Variants in NRXN3 observed in about 807,000 individuals in gnomAD.
The protein encoded by NRXN3 is neurexin 3.
NRXN3 carries 32 observed loss-of-function variants against 137.6 expected under a neutral mutation model. The observed-to-expected ratio is 0.23, with a 90% CI of 0.18 to 0.31. The LOEUF is 0.31. NRXN3 is among the 10% of genes least tolerant of loss of function. The pLI, the probability that NRXN3 is intolerant of heterozygous loss-of-function variation, is 1.00. For synonymous variants in NRXN3, 798 were observed against 784.5 expected, an observed-to-expected ratio of 1.02 and a Z score of -0.29; for missense variants, 1,574 against 2,062.5, an observed-to-expected ratio of 0.76 and a Z score of 4.59.
chr14:78,675,092 T>C lies in NRXN3; in HGVS notation c.1221+23766T>C, dbSNP rs369977562. Among the ~76,000 whole-genome samples, 15 of 152,322 alleles carry C rather than the reference T, an allele frequency of 9.8e-5. No homozygotes were observed. In the South Asian group the frequency reaches 3.1e-3, roughly 32 times the overall value. On this transcript the variant is annotated intron_variant, in intron 6 of 20. Transcript: ENST00000335750. ...TCTGAAGAAGCACTTAGTCATTGTCTAGAATGTGCCAGACCAAGTGCAGTT... is the reference window on the plus strand; with the variant it reads ...TCTGAAGAAGCACTTAGTCATTGTCCAGAATGTGCCAGACCAAGTGCAGTT...
At chr14:78,985,373 TGAG>T (rs1304900423) in intron 14 of NRXN3, among the ~76,000 whole-genome samples, 6 of 152,188 alleles carry the variant, frequency 3.9e-5, no homozygotes, top group South Asian at 2.1e-4. Context: ...GAGGATTATA[TGAG>T]GAGAAGACAG....
chr14:78,526,303 ATCTC>A (rs772168044), intron 4 of NRXN3, among the ~76,000 whole-genome samples: 2 of 152,148 alleles, frequency 1.3e-5, no homozygotes, highest in Non-Finnish European at 2.9e-5. Flanking sequence ...ATAGTCTGAA[ATCTC>A]TCTCTCTTGA....
At chr14:78,985,084 C>T (rs2153057854) in intron 14 of NRXN3, among the ~76,000 whole-genome samples, 1 of 152,238 alleles carries the variant, frequency 6.6e-6, no homozygotes, top group Non-Finnish European at 1.5e-5. Flanking sequence ...ACCTATAATC[C>T]CCGCCCTGTA....
intron 10 of NRXN3, among the ~76,000 whole-genome samples, chr14:78,850,832 C>T (rs2099040598): frequency 6.6e-6 from 1 of 152,062 alleles, no homozygotes; most frequent in Non-Finnish European, 1.5e-5. Flanking sequence ...ATTATAAAGG[C>T]ACATGAAATA....
At chr14:79,012,172 G>T in intron 15 of NRXN3, among the ~76,000 whole-genome samples, 1 of 152,170 alleles carries the variant, frequency 6.6e-6, no homozygotes, top group South Asian at 2.1e-4. Context: ...GGTGCAGGGT[G>T]ATGTGAAACA....
intron 17 of NRXN3, 29 bp downstream of exon 17, chr14:79,663,978 T>C (rs2098546370): frequency 6.2e-7 from 1 of 1,605,866 alleles, no homozygotes; most frequent in Non-Finnish European, 8.5e-7. Context: ...ATGGTCCTAC[T>C]CTTTTTGACT....
intron 16 of NRXN3, among the ~76,000 whole-genome samples, chr14:79,541,470 C>A (rs2097272019): frequency 2.6e-5 from 4 of 152,142 alleles, no homozygotes; most frequent in Admixed American, 2.0e-4. Flanking sequence ...CTCATCTAGA[C>A]AGCCTTTACT....
In NRXN3 at chr14:79,257,388, A is replaced by ATGGTGGTGGTGGTGGTGGTGGTGG. The variant is rs1555899794; in HGVS notation, c.3263-209830_3263-209807dup. Among the ~76,000 whole-genome samples, 2 of 31,456 alleles carry ATGGTGGTGGTGGTGGTGGTGGTGG rather than the reference A, an allele frequency of 6.4e-5. 1 individual carries two copies. 20.6% of individuals were successfully genotyped at this position (31,456 alleles called of 152,430 possible). ...GGTGGTGGTGGTGGTGGTGGTGGTG[A>ATGGTGGTGGTGGTGGTGGTGGTGG]TGGTGGTGGTGGTGGTGGTGGTGGT... On this transcript the variant is annotated intron_variant, in intron 15 of 20. Transcript: ENST00000335750.
intron 2 of NRXN3, among the ~76,000 whole-genome samples, chr14:78,248,722 T>C (rs1328378115): frequency 2.0e-5 from 3 of 152,016 alleles, no homozygotes; most frequent in Non-Finnish European, 2.9e-5. Context: ...TGAGAAGGGG[T>C]GGGTGTCCTG....
intron 7 of NRXN3, among the ~76,000 whole-genome samples, chr14:78,714,052 G>T (rs190035191): frequency 3.9e-5 from 6 of 152,284 alleles, no homozygotes; most frequent in Non-Finnish European, 8.8e-5. Context: ...AGACAGAATA[G>T]GTCTTCCATA....
chr14:79,345,000 C>T (rs1446848192), intron 15 of NRXN3, among the ~76,000 whole-genome samples: 2 of 152,146 alleles, frequency 1.3e-5, no homozygotes, highest in Non-Finnish European at 2.9e-5. Context: ...CAGATTCTCA[C>T]GGGCTTCATC....
intron 4 of NRXN3, among the ~76,000 whole-genome samples, chr14:78,431,379 C>G (rs971732588): frequency 1.2e-4 from 18 of 152,162 alleles, no homozygotes; most frequent in Admixed American, 3.3e-4. Context: ...AACACCCGTA[C>G]TGTATGCAAT....
intron 13 of NRXN3, among the ~76,000 whole-genome samples, chr14:78,967,820 C>T (rs960279103): frequency 5.9e-5 from 9 of 152,018 alleles, no homozygotes; most frequent in African/African-American, 1.9e-4. Flanking sequence ...CTGTATAGGT[C>T]GTGAGAAGTT....
chr14:79,279,681 G>A (rs45588734), intron 15 of NRXN3: 241 of 986,132 alleles, frequency 2.4e-4, no homozygotes, highest in Non-Finnish European at 2.8e-4. Context: ...CGCTAGTCCA[G>A]CACGCCCAGG....
At chr14:79,092,925 G>A (rs2049482168) in intron 15 of NRXN3, among the ~76,000 whole-genome samples, 1 of 152,142 alleles carries the variant, frequency 6.6e-6, no homozygotes, top group African/African-American at 2.4e-5. Context: ...GTCTAACCCT[G>A]AGTACTGCTG....
chr14:78,384,786 A>G (rs994378936), intron 4 of NRXN3, among the ~76,000 whole-genome samples: 6 of 152,194 alleles, frequency 3.9e-5, no homozygotes, highest in Non-Finnish European at 5.9e-5. Context: ...GGATTCTGCA[A>G]TCGCTCAGGT....
At chr14:78,668,449 A>G (rs944757944) in intron 6 of NRXN3, among the ~76,000 whole-genome samples, 3 of 152,116 alleles carry the variant, frequency 2.0e-5, no homozygotes, top group African/African-American at 7.2e-5. Context: ...GACAAGTTTG[A>G]CCCCAAGAAA....
At chr14:79,264,523 TG>T (rs564473085) in intron 15 of NRXN3, among the ~76,000 whole-genome samples, 3 of 1,474 alleles carry the variant, frequency 2.0e-3, no homozygotes, top group Admixed American at 0.014. Context: ...GTTTACATGA[TG>T]TGTGTGTGTG....
At chr14:79,445,401 C>T (rs1234471145) in intron 15 of NRXN3, among the ~76,000 whole-genome samples, 1 of 151,872 alleles carries the variant, frequency 6.6e-6, no homozygotes, top group Non-Finnish European at 1.5e-5. Flanking sequence ...GATTAAGTAC[C>T]TACTCTGGGC....
Sources: gnomAD v4.1 joint callset for allele counts (sites outside exome capture counted in the v4.1 genomes callset) on GRCh38, gnomAD v4.1.1 for gene constraint, MANE v1.5 for transcripts, NCBI Gene and HGNC (gene_info 2026-07-23, HGNC 2026-07-21) for gene names.